Variants in LINGO2 observed in about 807,000 individuals in gnomAD.
The protein encoded by LINGO2 is leucine rich repeat and Ig domain containing 2.
A neutral mutation model predicts 30.6 loss-of-function variants in LINGO2; 14 were observed. That is an observed-to-expected ratio of 0.46 (90% CI 0.30 to 0.72). The LOEUF (loss-of-function observed/expected upper bound fraction) is 0.72, where lower values mean the gene tolerates loss of function less well. Among genes scored for constraint, LINGO2 ranks in the 30% least tolerant of loss-of-function variants. LINGO2 has a pLI of 0.07. For missense variants in LINGO2, 729 were observed against 751.7 expected (o/e 0.97, Z 0.35); for synonymous variants, 317 against 288.5 (o/e 1.10, Z -1.00).
At chr9:29,046,064 A>T in the LINGO2 span, among the ~76,000 whole-genome samples, 2 of 152,116 alleles carry the variant, frequency 1.3e-5, no homozygotes, top group African/African-American at 4.8e-5. Flanking sequence ...CTAGATAGAG[A>T]ATCATGTCAT....
At chr9:27,947,432 C>T (rs749788241), downstream of LINGO2, among the ~76,000 whole-genome samples, 3 of 152,130 alleles carry the variant, frequency 2.0e-5, no homozygotes, top group Non-Finnish European at 4.4e-5. Flanking sequence ...TATAACCTTG[C>T]TTTTTCCTCA....
At chr9:28,725,207 T>G in the LINGO2 span, among the ~76,000 whole-genome samples, 4 of 152,002 alleles carry the variant, frequency 2.6e-5, no homozygotes, top group Non-Finnish European at 4.4e-5. Context: ...TACCTATATG[T>G]ATGCGTATTT....
intron 4 of LINGO2, among the ~76,000 whole-genome samples, chr9:28,275,322 C>A (rs1286729471): frequency 9.9e-5 from 15 of 152,048 alleles, no homozygotes; most frequent in Non-Finnish European, 2.2e-4. Flanking sequence ...ATCCGCCTAC[C>A]TTGGCCTCCC....
intron 4 of LINGO2, among the ~76,000 whole-genome samples, chr9:28,276,933 G>T (rs1823135660): frequency 6.6e-6 from 1 of 152,128 alleles, no homozygotes; most frequent in Admixed American, 6.5e-5. Flanking sequence ...AGTCAGTAGT[G>T]AAAGGAGGTG....
At chr9:28,910,146 C>T in the LINGO2 span, among the ~76,000 whole-genome samples, 1 of 151,918 alleles carries the variant, frequency 6.6e-6, no homozygotes, top group South Asian at 2.1e-4. Flanking sequence ...TTTTTGAGTA[C>T]TTTCAACCAA....
intron 4 of LINGO2, among the ~76,000 whole-genome samples, chr9:28,046,923 G>A (rs956200927): frequency 2.0e-5 from 3 of 152,062 alleles, no homozygotes; most frequent in African/African-American, 2.4e-5. Context: ...TTGTGGAAAC[G>A]CGTTCTGGGT....
At chr9:28,241,659 CCA>C (rs1821804991) in intron 4 of LINGO2, among the ~76,000 whole-genome samples, 1 of 152,150 alleles carries the variant, frequency 6.6e-6, no homozygotes, top group Non-Finnish European at 1.5e-5. Flanking sequence ...GCTTCCTATG[CCA>C]CTCAACTGAG....
intron 4 of LINGO2, among the ~76,000 whole-genome samples, chr9:28,243,178 C>T (rs1383910032): frequency 2.0e-5 from 3 of 151,962 alleles, no homozygotes; most frequent in African/African-American, 7.2e-5. Flanking sequence ...ACGGACTAGG[C>T]TGGGTGTGGT....
chr9:28,869,532 A>G, the LINGO2 span, among the ~76,000 whole-genome samples: 3 of 152,034 alleles, frequency 2.0e-5, no homozygotes, highest in African/African-American at 7.2e-5. Context: ...TAGGAACTAC[A>G]TGTTAAATTA....
chr9:28,363,295 A>T (rs949071138), intron 3 of LINGO2, among the ~76,000 whole-genome samples: 1 of 152,216 alleles, frequency 6.6e-6, no homozygotes, highest in Non-Finnish European at 1.5e-5. Flanking sequence ...CATTAGTCCT[A>T]TTGAGAAGGA....
the LINGO2 span, among the ~76,000 whole-genome samples, chr9:29,187,210 T>C: frequency 6.6e-6 from 1 of 152,176 alleles, no homozygotes; most frequent in Non-Finnish European, 1.5e-5. Flanking sequence ...TACATATAAG[T>C]CCAGTGAAAT....
At chr9:28,855,668 T>TAC in the LINGO2 span, among the ~76,000 whole-genome samples, 2 of 151,610 alleles carry the variant, frequency 1.3e-5, no homozygotes, top group East Asian at 1.9e-4. Context: ...CACACACACA[T>TAC]ACACACACAC....
chr9:28,662,161 T>C (rs758444716), intron 1 of LINGO2, among the ~76,000 whole-genome samples: 10 of 152,074 alleles, frequency 6.6e-5, no homozygotes, highest in Non-Finnish European at 1.2e-4. Flanking sequence ...CTCAGAGTCA[T>C]AAAAAGATTC....
At chr9:28,765,077 G>A in the LINGO2 span, among the ~76,000 whole-genome samples, 8 of 152,002 alleles carry the variant, frequency 5.3e-5, no homozygotes, top group South Asian at 1.7e-3. Flanking sequence ...TACCTAAAGT[G>A]ATCTACAAAT....
intron 1 of LINGO2, among the ~76,000 whole-genome samples, chr9:28,498,557 C>T (rs1819752797): frequency 6.6e-6 from 1 of 152,162 alleles, no homozygotes; most frequent in Non-Finnish European, 1.5e-5. Flanking sequence ...CTGTCTTTCA[C>T]AGTTTCCCTT....
intron 1 of LINGO2, among the ~76,000 whole-genome samples, chr9:28,659,133 C>T (rs940976796): frequency 1.3e-5 from 2 of 151,900 alleles, no homozygotes; most frequent in African/African-American, 4.8e-5. Context: ...TATTAGAATC[C>T]ACAGTGGAAA....
At chr9:28,466,946 C>A (rs1825331400) in intron 2 of LINGO2, among the ~76,000 whole-genome samples, 1 of 151,992 alleles carries the variant, frequency 6.6e-6, no homozygotes, top group South Asian at 2.1e-4. Flanking sequence ...CACACTTAAT[C>A]CAAACTAACT....
At chr9:29,061,507 A>G in the LINGO2 span, among the ~76,000 whole-genome samples, 1 of 152,012 alleles carries the variant, frequency 6.6e-6, no homozygotes, top group Non-Finnish European at 1.5e-5. Flanking sequence ...AATGAAATAG[A>G]GTCTAGTCCA....
the LINGO2 span, chr9:27,937,768 G>A: frequency 1.3e-5 from 2 of 151,932 alleles, no homozygotes; most frequent in Non-Finnish European, 2.9e-5. Flanking sequence ...TGACAGTTTT[G>A]AAGGACACCA....
Sources: gnomAD v4.1 joint callset for allele counts (sites outside exome capture counted in the v4.1 genomes callset) on GRCh38, gnomAD v4.1.1 for gene constraint, MANE v1.5 for transcripts, NCBI Gene and HGNC (gene_info 2026-07-23, HGNC 2026-07-21) for gene names.